Variants in MDM4 observed in about 807,000 individuals in gnomAD.
MDM4 encodes the protein MDM4 regulator of p53.
In MDM4, 2 loss-of-function variants were observed where a neutral mutation model predicts 60.2. That is an observed-to-expected ratio of 0.03 (90% CI 0.01 to 0.10). The LOEUF is 0.10. MDM4 is among the 10% of genes least tolerant of loss of function. The pLI, the probability that MDM4 is intolerant of heterozygous loss-of-function variation, is 1.00. For missense variants in MDM4, 447 were observed against 577.5 expected (o/e 0.77, Z 2.32); for synonymous variants, 202 against 198.1 (o/e 1.02, Z -0.17).
At position 204,542,890 on chromosome 1, in the gene MDM4, G is replaced by A. The variant is rs2102419384; in HGVS notation, c.618G>A (p.Leu206=). 6.2e-7 allele frequency: 1 copy of A among 1,614,076 alleles called. No individual in the cohort carries two copies. Among genetic ancestry groups the A allele is most frequent in the Non-Finnish European group, 8.5e-7 (1 of 1,179,954 alleles). ...AGLPWWFLGN[L]RSNYTPRSNG... is the part of the protein sequence containing the mutation. Reference sequence around the variant, plus strand: ...TGCCTTGGTGGTTTTTAGGAAACTTGAGAAGCAACTATACACCTAGAAGTA... The same window carrying A: ...TGCCTTGGTGGTTTTTAGGAAACTTAAGAAGCAACTATACACCTAGAAGTA... Residue 206 remains leucine (L), a synonymous_variant, in exon 8 of 11, where the codon TTG becomes TTA. Transcript: ENST00000367182.
At position 204,549,441 on chromosome 1, in the gene MDM4, G is replaced by A. The variant is rs763540719; in HGVS notation, c.1232G>A (p.Gly411Glu). 118 of 1,612,294 alleles carry A rather than the reference G, an allele frequency of 7.3e-5. No homozygotes were observed. Among genetic ancestry groups the A allele is most frequent in the Non-Finnish European group, 9.7e-5 (115 of 1,179,576 alleles). Residue 411 changes from glycine to glutamate, a missense_variant, in exon 11 of 11, where the codon GGA (glycine) becomes GAA (glutamate). Around this residue, in one of 8 missense-constraint regions of MDM4, gnomAD observed 117 missense variants for 114.5 expected, o/e 1.02. Transcript: ENST00000367182. ...AGCCAAGAGACCATCTCAAGCATGGGAGAACAGTTAGATAACCTTTCTGAA... is the reference window on the plus strand; with the variant it reads ...AGCCAAGAGACCATCTCAAGCATGGAAGAACAGTTAGATAACCTTTCTGAA... ...SESQETISSM[G>E]EQLDNLSEQR...
intron 7 of MDM4, among the ~76,000 whole-genome samples, chr1:204,541,927 G>C (rs1056406336): frequency 6.6e-6 from 1 of 152,186 alleles, no homozygotes; most frequent in African/African-American, 2.4e-5. Context: ...TAATGTATTG[G>C]GAGGAGGTAG....
chr1:204,551,748 C>G lies in MDM4; in HGVS notation c.*2066C>G. 2 of 228,726 alleles carry G rather than the reference C, an allele frequency of 8.7e-6. No homozygotes were observed. The allele number at this position is 228,726 out of a possible 1,614,324, so 14.2% of individuals were successfully genotyped here. A position where few individuals can be genotyped will look rare whatever the true frequency, so the allele number is the denominator to read the frequency against. On this transcript the variant is annotated 3_prime_UTR_variant, in exon 11 of 11. Coordinates refer to ENST00000367182, the MANE Select transcript of MDM4 (RefSeq NM_002393.5). ...AGGATCATAAAAATCATGAGGGTTGCTTGTTAAAAATGTCCAAACGTGCAG... is the reference window on the plus strand; with the variant it reads ...AGGATCATAAAAATCATGAGGGTTGGTTGTTAAAAATGTCCAAACGTGCAG...
At chr1:204,529,369 C>G in intron 3 of MDM4, 1 of 926,652 alleles carries the variant, frequency 1.1e-6, no homozygotes, top group East Asian at 2.4e-5. Flanking sequence ...GGGGAGCCAC[C>G]CTGTCCATGA....
intron 10 of MDM4, among the ~76,000 whole-genome samples, chr1:204,548,464 A>G (rs1236745378): frequency 1.3e-5 from 2 of 152,216 alleles, no homozygotes; most frequent in African/African-American, 4.8e-5. Context: ...TGTTCCCTGT[A>G]GCTATTTTTG....
chr1:204,530,246 A>T lies in MDM4; in HGVS notation c.154-438A>T, dbSNP rs565228080. ...ACAATGCTGATGGCTCTTATTAAAC[A>T]TTGTACTTCATTTGCCAAAAAGAAT... On this transcript the variant is annotated intron_variant, in intron 3 of 10. Coordinates refer to ENST00000367182, the MANE Select transcript of MDM4 (RefSeq NM_002393.5). Among the ~76,000 whole-genome samples the T allele has an allele frequency of 3.3e-5, 5 of 152,346 alleles. No individual in the cohort carries two copies. The East Asian group carries it at 9.6e-4, about 29-fold the overall frequency.
intron 1 of MDM4, among the ~76,000 whole-genome samples, chr1:204,525,168 G>A (rs1378389389): frequency 2.0e-5 from 3 of 152,126 alleles, no homozygotes; most frequent in Non-Finnish European, 2.9e-5. Flanking sequence ...ATAACCATTG[G>A]GGAGATAATG....
rs2102428821 is a variant in MDM4, at chr1:204,544,650, C to G, written c.788C>G (p.Thr263Arg). 6.2e-7 allele frequency: 1 copy of G among 1,613,168 alleles called. No individual in the cohort carries two copies. The highest frequency in any genetic ancestry group is 8.5e-7 in the Non-Finnish European group (1 of 1,179,422). The change falls in exon 9 of 11, where the codon ACA (threonine) becomes AGA (arginine). Residue 263 changes from threonine to arginine, a missense_variant. This residue lies in a region of MDM4 where 184 missense variants were observed against 179.3 expected (regional missense o/e 1.03). Transcript: ENST00000367182. The part of the protein sequence containing the change: ...IKVEAADTEQ[T>R]SEEVGKVSDK... ...GTTGAAGCTGCTGATACTGAACAAACAAGTGAAGAAGTAGGGAAAGTAAGT... is the reference window on the plus strand; with the variant it reads ...GTTGAAGCTGCTGATACTGAACAAAGAAGTGAAGAAGTAGGGAAAGTAAGT...
chr1:204,530,714 G>C lies in MDM4; in HGVS notation c.184G>C (p.Val62Leu), dbSNP rs1330250688. The C allele has an allele frequency of 9.3e-6, 15 of 1,614,014 alleles. No individual in the cohort carries two copies. The highest frequency in any genetic ancestry group is 1.3e-5 in the Non-Finnish European group (15 of 1,180,040). The change falls in exon 4 of 11, where the codon GTG becomes CTG. Residue 62 changes from valine (V) to leucine (L), a missense_variant. By Grantham distance (32) the Val-to-Leu change is conservative. This residue lies in a region of MDM4 where 31 missense variants were observed against 87.6 expected (regional missense o/e 0.35). Transcript: ENST00000367182. ...VMHYLGQYIM[V>L]KQLYDQQEQH... ...GCACTATTTAGGTCAGTACATAATG[G>C]TGAAGCAACTTTATGATCAGCAGGA...
intron 3 of MDM4, chr1:204,529,089 T>C: frequency 7.2e-7 from 1 of 1,385,124 alleles, no homozygotes; most frequent in Non-Finnish European, 1.0e-6. Flanking sequence ...CAGCTCTGTG[T>C]AGCTAATGGA....
At chr1:204,545,520 G>A (rs773119813) in intron 9 of MDM4, among the ~76,000 whole-genome samples, 3 of 152,020 alleles carry the variant, frequency 2.0e-5, no homozygotes, top group Non-Finnish European at 4.4e-5. Flanking sequence ...AAAAAATTGG[G>A]TCATCCTTTT....
At chr1:204,520,112 C>T (rs1193355930) in intron 1 of MDM4, among the ~76,000 whole-genome samples, 4 of 151,752 alleles carry the variant, frequency 2.6e-5, no homozygotes. Flanking sequence ...CCCGTCTCTA[C>T]TAAAAATACA....
At position 204,551,979 on chromosome 1, in the gene MDM4, TAAAAA is replaced by T. The variant is rs35918019; in HGVS notation, c.*2313_*2317del. On this transcript the variant is annotated 3_prime_UTR_variant, in exon 11 of 11. Coordinates refer to ENST00000367182, the MANE Select transcript of MDM4 (RefSeq NM_002393.5). Reference sequence around the variant, plus strand: ...CTAACACTAACAATAGCTGATGAGCTAAAAAAAAAAAAAAAAAAAATCGTGGACCG... The same window carrying T: ...CTAACACTAACAATAGCTGATGAGCTAAAAAAAAAAAAAAATCGTGGACCG... 4.8e-4 allele frequency: 65 copies of T among 136,680 alleles called. No homozygotes were observed. The highest frequency in any genetic ancestry group is 5.8e-3 in the Middle Eastern group (2 of 342). The allele number at this position is 136,680 out of a possible 1,614,324, so 8.5% of individuals were successfully genotyped here.
chr1:204,546,755 A>G (rs1344903677), intron 9 of MDM4, 42 bp from the exon 10 acceptor site: 3 of 1,378,258 alleles, frequency 2.2e-6, no homozygotes, highest in African/African-American at 2.9e-5. Context: ...GCCTCATCTA[A>G]AACAAGTAAA....
At position 204,542,138 on chromosome 1, in the gene MDM4, G is replaced by A. The variant is rs188824329; in HGVS notation, c.512-646G>A. On this transcript the variant is annotated intron_variant, in intron 7 of 10. Coordinates refer to ENST00000367182, the MANE Select transcript of MDM4 (RefSeq NM_002393.5). ...GGTATGTCTAGATACTTAACTCTAA[G>A]AGCCCATTGATCCAGCGAGGGCATA... Among the ~76,000 whole-genome samples the A allele has an allele frequency of 3.6e-3, 552 of 152,324 alleles. 1 individual carries two copies. The highest frequency in any genetic ancestry group is 0.014 in the Middle Eastern group (4 of 294).
chr1:204,528,332 C>G (rs957196192), intron 3 of MDM4, among the ~76,000 whole-genome samples: 1 of 152,102 alleles, frequency 6.6e-6, no homozygotes, highest in Non-Finnish European at 1.5e-5. Flanking sequence ...GAAGTTAATA[C>G]CCAAGGATTT....
chr1:204,539,927 A>C (rs145203493), intron 7 of MDM4, among the ~76,000 whole-genome samples: 91 of 152,232 alleles, frequency 6.0e-4, no homozygotes, highest in African/African-American at 2.2e-3. Context: ...CATGCACGGA[A>C]TTATTTAAAA....
At chr1:204,541,424 A>G (rs1044508104) in intron 7 of MDM4, among the ~76,000 whole-genome samples, 2 of 152,200 alleles carry the variant, frequency 1.3e-5, no homozygotes, top group Non-Finnish European at 1.5e-5. Context: ...CGGAGGTTGC[A>G]GTGAATCAAT....
intron 7 of MDM4, among the ~76,000 whole-genome samples, chr1:204,539,103 A>C (rs1016358296): frequency 1.3e-5 from 2 of 152,082 alleles, no homozygotes; most frequent in Non-Finnish European, 2.9e-5. Context: ...TCCCGACCTC[A>C]GGTGATCTGC....
Sources: gnomAD v4.1 joint callset for allele counts (sites outside exome capture counted in the v4.1 genomes callset) on GRCh38, gnomAD v4.1.1 for gene constraint, gnomAD v4.1.1 regional missense constraint, MANE v1.5 for transcripts, NCBI Gene and HGNC (gene_info 2026-07-23, HGNC 2026-07-21) for gene names.